The following ITGA8 variants were observed in gnomAD, a reference collection of about 807,000 sequenced individuals.
The protein encoded by ITGA8 is integrin alpha-8.
A neutral mutation model predicts 142.3 loss-of-function variants in ITGA8; 91 were observed. The observed-to-expected ratio is 0.64, with a 90% CI of 0.54 to 0.76. The LOEUF is 0.76. ITGA8 is among the 30% of genes least tolerant of loss of function. The probability of loss-of-function intolerance (pLI) is 0.00; values close to 1 mark genes in which losing one functional copy is unlikely to be tolerated. For missense variants in ITGA8, 1,406 were observed against 1,327.7 expected (o/e 1.06, Z -0.92); for synonymous variants, 505 against 485.2 (o/e 1.04, Z -0.54).
chr10:15,719,020 A>G, intron 1 of ITGA8, 121 bp from the exon 2 acceptor site: 1 of 1,426,786 alleles, frequency 7.0e-7, no homozygotes, highest in East Asian at 2.3e-5. Context: ...GAACGTATTT[A>G]TGATGAGGAC....
chr10:15,661,961 G>A (rs537769554), intron 8 of ITGA8, among the ~76,000 whole-genome samples: 1 of 152,230 alleles, frequency 6.6e-6, no homozygotes, highest in Admixed American at 6.5e-5. Context: ...ATATAATAGG[G>A]TTGACTGATT....
chr10:15,549,201 GTTTTTTTTTTTTTTTT>G (rs67683436), intron 26 of ITGA8, among the ~76,000 whole-genome samples: 72,890 of 107,988 alleles, frequency 0.67, 24,320 homozygotes, highest in Middle Eastern at 0.79. Flanking sequence ...TTTCTTTTCT[GTTTTTTTTTTTTTTTT>G]TTTTTTTTTT....
intron 1 of ITGA8, 109 bp from the exon 2 acceptor site, chr10:15,719,008 A>G: frequency 6.6e-7 from 1 of 1,505,052 alleles, no homozygotes; most frequent in Non-Finnish European, 9.0e-7. Flanking sequence ...CGTGGAGGGC[A>G]TGAACGTATT....
intron 6 of ITGA8, 137 bp downstream of exon 6, chr10:15,677,455 A>T (rs1212383431): frequency 1.5e-6 from 1 of 660,548 alleles, no homozygotes; most frequent in African/African-American, 1.9e-5. Context: ...AAAAAAAGAA[A>T]TAACGCTTCA....
chr10:15,647,275 TA>T lies in ITGA8; in HGVS notation c.1002-225del, dbSNP rs576309313. Among the ~76,000 whole-genome samples, 1,308 of 152,322 alleles carry T rather than the reference TA, an allele frequency of 8.6e-3. 10 individuals are homozygous for T. The highest frequency in any genetic ancestry group is 0.015 in the Non-Finnish European group (1,026 of 68,034). On this transcript the variant is annotated intron_variant, in intron 11 of 29. Transcript: ENST00000378076. The stretch of plus-strand genomic sequence containing the variant: ...ATCACACTGAACATTTTAGCTATGT[TA>T]AAAATGCTACTTTAAGGAAACCACA...
chr10:15,706,915 C>T (rs998481633), intron 2 of ITGA8, among the ~76,000 whole-genome samples: 3 of 152,148 alleles, frequency 2.0e-5, no homozygotes, highest in Non-Finnish European at 4.4e-5. Context: ...ACTCTTGCCC[C>T]GATTTGCTTT....
chr10:15,698,285 C>T (rs560835190), intron 2 of ITGA8, among the ~76,000 whole-genome samples: 1 of 152,112 alleles, frequency 6.6e-6, no homozygotes, highest in African/African-American at 2.4e-5. Flanking sequence ...TATAAATATA[C>T]CATACTTTCT....
intron 27 of ITGA8, 41 bp from the exon 28 acceptor site, chr10:15,531,192 G>A: frequency 9.3e-7 from 1 of 1,078,518 alleles, no homozygotes; most frequent in Non-Finnish European, 1.3e-6. Context: ...TTCATATAAA[G>A]TTTTTAAGAG....
At position 15,515,697 on chromosome 10, in the gene ITGA8, A is replaced by G. The variant is rs1384977833; in HGVS notation, c.*1461T>C. Reference sequence around the variant, plus strand: ...AAAAATTTGTTCAGTATTTCTTCATAGTAATTTTTCATTATTAAAAAAGGA... The same window carrying G: ...AAAAATTTGTTCAGTATTTCTTCATGGTAATTTTTCATTATTAAAAAAGGA... On this transcript the variant is annotated 3_prime_UTR_variant, in exon 30 of 30. Coordinates refer to ENST00000378076, the MANE Select transcript of ITGA8 (RefSeq NM_003638.3). 1 of 152,186 alleles carries G rather than the reference A, an allele frequency of 6.6e-6. No homozygotes were observed. The highest frequency in any genetic ancestry group is 1.5e-5 in the Non-Finnish European group (1 of 68,024). 9.4% of individuals were successfully genotyped at this position (152,186 alleles called of 1,614,324 possible). A position where few individuals can be genotyped will look rare whatever the true frequency, so the allele number is the denominator to read the frequency against.
At chr10:15,642,051 C>T (rs1317295336) in intron 13 of ITGA8, among the ~76,000 whole-genome samples, 2 of 152,112 alleles carry the variant, frequency 1.3e-5, no homozygotes, top group African/African-American at 2.4e-5. Context: ...CCGCTTGAAC[C>T]CAGGAGGTGG....
chr10:15,548,400 T>C (rs1833720115), intron 27 of ITGA8, 55 bp downstream of exon 27: 1 of 1,243,664 alleles, frequency 8.0e-7, no homozygotes, highest in African/African-American at 1.5e-5. Flanking sequence ...CACTGAGCTT[T>C]TGTGAAGCAG....
chr10:15,675,116 C>T (rs1834603043), intron 6 of ITGA8, among the ~76,000 whole-genome samples: 1 of 152,110 alleles, frequency 6.6e-6, no homozygotes, highest in Non-Finnish European at 1.5e-5. Context: ...TCTAGGCCTC[C>T]CATCTATACC....
chr10:15,627,433 T>C (rs1324995156), intron 13 of ITGA8, among the ~76,000 whole-genome samples: 1 of 152,200 alleles, frequency 6.6e-6, no homozygotes, highest in South Asian at 2.1e-4. Flanking sequence ...GCTGGCTATC[T>C]CGTGAACTTC....
intron 28 of ITGA8, among the ~76,000 whole-genome samples, 170 bp downstream of exon 28, chr10:15,530,880 G>C (rs1467288907): frequency 6.6e-6 from 1 of 152,154 alleles, no homozygotes; most frequent in Non-Finnish European, 1.5e-5. Flanking sequence ...TCAAAAACCA[G>C]ATCAAAAGGC....
intron 2 of ITGA8, among the ~76,000 whole-genome samples, chr10:15,705,818 C>T (rs911091591): frequency 2.0e-5 from 3 of 152,142 alleles, no homozygotes; most frequent in Non-Finnish European, 2.9e-5. Context: ...TCTTTATTGG[C>T]TTCATGGCTT....
intron 4 of ITGA8, among the ~76,000 whole-genome samples, chr10:15,681,794 G>C (rs1834742635): frequency 6.6e-6 from 1 of 152,174 alleles, no homozygotes; most frequent in Non-Finnish European, 1.5e-5. Flanking sequence ...TGAGCATATG[G>C]TCAATATCAC....
chr10:15,702,840 T>A (rs1835190458), intron 2 of ITGA8, among the ~76,000 whole-genome samples: 1 of 152,182 alleles, frequency 6.6e-6, no homozygotes, highest in Admixed American at 6.5e-5. Flanking sequence ...TGTTTCAAAA[T>A]TTTCAAACAG....
At chr10:15,638,867 C>T in intron 13 of ITGA8, among the ~76,000 whole-genome samples, 1 of 152,128 alleles carries the variant, frequency 6.6e-6, no homozygotes. Context: ...TGGCTCATGT[C>T]TGTAATCCCA....
intron 4 of ITGA8, among the ~76,000 whole-genome samples, chr10:15,682,592 C>T (rs558101283): frequency 2.5e-4 from 38 of 152,200 alleles, no homozygotes; most frequent in African/African-American, 7.9e-4. Context: ...TGGCGGCGCA[C>T]GACTGTAATC....
Sources: gnomAD v4.1 joint callset for allele counts (sites outside exome capture counted in the v4.1 genomes callset) on GRCh38, gnomAD v4.1.1 for gene constraint, MANE v1.5 for transcripts, NCBI Gene and HGNC (gene_info 2026-07-23, HGNC 2026-07-21) for gene names.